Variants in ZNF729 observed in about 807,000 individuals in gnomAD.
ZNF729 encodes the protein zinc finger protein 729.
Under a neutral mutation model 12.2 loss-of-function variants are expected in ZNF729, and 15 were observed. The ratio of observed to expected loss-of-function variants is 1.23; its 90% confidence interval spans 0.82 to 1.89. The LOEUF is 1.89. ZNF729 is among the 40% of genes most tolerant of loss of function. ZNF729 has a pLI of 0.00. For synonymous variants in ZNF729, 492 were observed against 476.3 expected (o/e 1.03, Z -0.43); for missense variants, 1,540 against 1,456.7 (o/e 1.06, Z -0.93).
intron 1 of ZNF729, among the ~76,000 whole-genome samples, chr19:22,287,459 G>T (rs112826303): frequency 0.022 from 3,341 of 151,872 alleles, 108 homozygotes; most frequent in African/African-American, 0.076. Context: ...AGAGACGGGG[G>T]TTTCTCCATT....
chr19:22,312,440 T>TTGTGTGTGTGTGTGTGTGTGTG lies in ZNF729; in HGVS notation c.254-1215_254-1194dup, dbSNP rs138264785. ...TTCTTAGAATGTGTCTTGTCTGAAA[T>TTGTGTGTGTGTGTGTGTGTGTG]TGTGTGTGTGTGTGTGTGTGTGTGT... On this transcript the variant is annotated intron_variant, in intron 3 of 3. Coordinates refer to ENST00000601693, the MANE Select transcript of ZNF729 (RefSeq NM_001242680.2). Among the ~76,000 whole-genome samples, 141 of 144,660 alleles carry TTGTGTGTGTGTGTGTGTGTGTG rather than the reference T, an allele frequency of 9.7e-4. 4 individuals carry two copies. Among genetic ancestry groups the TTGTGTGTGTGTGTGTGTGTGTG allele is most frequent in the Admixed American group, 7.8e-3 (111 of 14,258 alleles). 94.9% of individuals were successfully genotyped at this position (144,660 alleles called of 152,430 possible).
rs985340238 is a variant in ZNF729 at position 22,316,990 on chromosome 19, A to G, written c.3573A>G (p.Glu1191=). The G allele has an allele frequency of 1.2e-6, 2 of 1,612,534 alleles. No homozygotes were observed. The highest frequency in any genetic ancestry group is 1.3e-5 in the African/African-American group (1 of 74,914). ...IHTGEKPYKC[E]ECGKAFIQCS... ...CTGGAGAGAAACCCTACAAATGTGA[A>G]GAATGTGGCAAAGCTTTTATTCAGT... is the stretch of plus-strand genomic sequence containing the variant. Residue 1191 remains glutamate (E), a synonymous_variant, in exon 4 of 4, where the codon GAA becomes GAG. Transcript: ENST00000601693.
At chr19:22,313,064 C>CTTTTTTTTTTTTTT (rs148237802) in intron 3 of ZNF729, among the ~76,000 whole-genome samples, 5 of 147,238 alleles carry the variant, frequency 3.4e-5, no homozygotes, top group African/African-American at 1.3e-4. Context: ...TGGCAATTTC[C>CTTTTTTTTTTTTTT]TTTTTTTTTT....
chr19:22,286,703 A>C (rs1360965605), intron 1 of ZNF729, 148 bp downstream of exon 1: 2 of 1,070,792 alleles, frequency 1.9e-6, no homozygotes, highest in Non-Finnish European at 2.9e-6. Flanking sequence ...AGTCTCCTTC[A>C]GCCATAAGAT....
chr19:22,299,890 G>T (rs1192767143), intron 1 of ZNF729: 1 of 152,464 alleles, frequency 6.6e-6, no homozygotes, highest in East Asian at 1.9e-4. Context: ...TGCTGTGGCA[G>T]TTGTGGTTTA....
At chr19:22,313,642 G>T in intron 3 of ZNF729, 29 bp from the exon 4 acceptor site, 1 of 1,429,934 alleles carries the variant, frequency 7.0e-7, no homozygotes, top group South Asian at 1.6e-5. Context: ...CTAGCAAGTG[G>T]AATAATTTGT....
Position 22,314,771 on chromosome 19 carries a change from A to G in ZNF729, c.1354A>G (p.Ile452Val). 6.2e-7 allele frequency: 1 copy of G among 1,613,552 alleles called. No individual in the cohort carries two copies. The highest frequency in any genetic ancestry group is 8.5e-7 in the Non-Finnish European group (1 of 1,179,852). ...NSSSTLMKHKIIHTGEKPYKC... is the reference protein window; with the variant it reads ...NSSSTLMKHKVIHTGEKPYKC... Reference sequence around the variant, plus strand: ...TTCCTCAACCCTTATGAAACATAAGATAATTCATACTGGGGAGAAACCATA... The same window carrying G: ...TTCCTCAACCCTTATGAAACATAAGGTAATTCATACTGGGGAGAAACCATA... Residue 452 changes from isoleucine (I) to valine (V), a missense_variant, in exon 4 of 4, where the codon ATA becomes GTA. Coordinates refer to ENST00000601693, the MANE Select transcript of ZNF729 (RefSeq NM_001242680.2).
chr19:22,313,674 T>G lies in ZNF729; in HGVS notation c.257T>G (p.Met86Arg), dbSNP rs770556700. ...TTGTTATTTTTATTTCTTCTAGTTA[T>G]GCGTTCTCATTTTACACAAGACCTT... ...RHEMVTKPPVMRSHFTQDLWP... is the reference protein window; with the variant it reads ...RHEMVTKPPVRRSHFTQDLWP... The change falls in exon 4 of 4, where the codon ATG becomes AGG. Residue 86 changes from methionine (M) to arginine (R), a missense_variant. By Grantham distance (91) the Met-to-Arg change is moderately conservative. Transcript: ENST00000601693. 1 of 1,474,926 alleles carries G rather than the reference T, an allele frequency of 6.8e-7. No homozygotes were observed. The highest frequency in any genetic ancestry group is 8.9e-7 in the Non-Finnish European group (1 of 1,118,774). The allele number at this position is 1,474,926 out of a possible 1,614,324, so 91.4% of individuals were successfully genotyped here.
intron 1 of ZNF729, among the ~76,000 whole-genome samples, chr19:22,293,494 A>ATTTTTTTTTTTTTTTT (rs56180581): frequency 2.4e-4 from 23 of 96,054 alleles, no homozygotes; most frequent in Non-Finnish European, 3.1e-4. Context: ...CCTTTTGTCT[A>ATTTTTTTTTTTTTTTT]TTTTTTTTTT....
At chr19:22,286,652 C>G in intron 1 of ZNF729, 97 bp downstream of exon 1, 1 of 1,451,934 alleles carries the variant, frequency 6.9e-7, no homozygotes. Context: ...CCGCAGTCAG[C>G]TCCACAATCT....
At chr19:22,299,701 G>A (rs1968280342) in intron 1 of ZNF729, 1 of 152,616 alleles carries the variant, frequency 6.6e-6, no homozygotes, top group Admixed American at 6.6e-5. Context: ...GGAGCTATCT[G>A]TACTTGGACT....
At chr19:22,299,079 A>C (rs971066689) in intron 1 of ZNF729, 5 of 152,194 alleles carry the variant, frequency 3.3e-5, no homozygotes, top group African/African-American at 1.2e-4. Flanking sequence ...AAATCTTATA[A>C]AATTCTGCTG....
intron 3 of ZNF729, among the ~76,000 whole-genome samples, chr19:22,308,908 G>A (rs953939366): frequency 6.6e-6 from 1 of 152,138 alleles, no homozygotes; most frequent in African/African-American, 2.4e-5. Context: ...AAGATACAGA[G>A]AGAACCCTCC....
intron 3 of ZNF729, among the ~76,000 whole-genome samples, chr19:22,308,010 G>A (rs1021969292): frequency 2.0e-5 from 3 of 151,564 alleles, no homozygotes; most frequent in Admixed American, 6.6e-5. Context: ...TTTATCCCTC[G>A]TTTCCCTCCC....
chr19:22,298,857 T>A (rs1968266606), intron 1 of ZNF729: 1 of 152,180 alleles, frequency 6.6e-6, no homozygotes, highest in Non-Finnish European at 1.5e-5. Context: ...ATGCTGCTAT[T>A]ACAGGAGAAA....
chr19:22,289,728 T>C (rs183603672), intron 1 of ZNF729, among the ~76,000 whole-genome samples: 1 of 152,284 alleles, frequency 6.6e-6, no homozygotes, highest in East Asian at 1.9e-4. Flanking sequence ...TGGTGAGTTA[T>C]GTAGATTCAT....
At chr19:22,295,874 T>G (rs1264199879) in intron 1 of ZNF729, among the ~76,000 whole-genome samples, 1 of 152,246 alleles carries the variant, frequency 6.6e-6, no homozygotes, top group East Asian at 1.9e-4. Context: ...CTGCATCTAT[T>G]GAGATAATTT....
At chr19:22,287,296 T>C (rs1968091876) in intron 1 of ZNF729, among the ~76,000 whole-genome samples, 1 of 151,942 alleles carries the variant, frequency 6.6e-6, no homozygotes, top group Non-Finnish European at 1.5e-5. Context: ...GACGGAGTTT[T>C]GCTCTTGTTG....
At chr19:22,295,249 G>A (rs1968213603) in intron 1 of ZNF729, among the ~76,000 whole-genome samples, 1 of 151,190 alleles carries the variant, frequency 6.6e-6, no homozygotes, top group Non-Finnish European at 1.5e-5. Flanking sequence ...ACAGAATTAT[G>A]TCATCTGCAA....
Sources: allele counts gnomAD v4.1 joint callset (sites outside exome capture counted in the v4.1 genomes callset), GRCh38; gene constraint gnomAD v4.1.1; transcripts MANE v1.5; gene names NCBI Gene and HGNC (gene_info 2026-07-23, HGNC 2026-07-21).